The following HGD variants were observed in gnomAD, a reference collection of about 807,000 sequenced individuals.
HGD encodes the protein homogentisate 1,2-dioxygenase.
In HGD, 61 loss-of-function variants were observed where a neutral mutation model predicts 60.8. The observed-to-expected ratio is 1.00, with a 90% CI of 0.82 to 1.24. HGD has a LOEUF of 1.24. Among genes scored for constraint, HGD ranks in the 50% most tolerant of loss-of-function variants. The pLI is 0.00. For synonymous variants in HGD, 212 were observed against 187.7 expected, an observed-to-expected ratio of 1.13 and a Z score of -1.06; for missense variants, 542 against 547.1, an observed-to-expected ratio of 0.99 and a Z score of 0.09.
At chr3:120,658,524 G>C (rs1185311712) in intron 4 of HGD, among the ~76,000 whole-genome samples, 1 of 152,212 alleles carries the variant, frequency 6.6e-6, no homozygotes, top group African/African-American at 2.4e-5. Flanking sequence ...GCTCTCATGG[G>C]CTGCCATTGA....
chr3:120,630,729 A>T (rs570003208), intron 13 of HGD, among the ~76,000 whole-genome samples: 36 of 150,912 alleles, frequency 2.4e-4, no homozygotes, highest in South Asian at 8.4e-4. Context: ...AGATTTCATG[A>T]CAAAAACATC....
At chr3:120,665,228 G>C (rs1245781005) in intron 4 of HGD, among the ~76,000 whole-genome samples, 2 of 152,140 alleles carry the variant, frequency 1.3e-5, no homozygotes, top group Non-Finnish European at 2.9e-5. Flanking sequence ...GAGACAGAAG[G>C]CATTTTATGA....
chr3:120,655,572 C>A (rs1475390278), intron 4 of HGD, among the ~76,000 whole-genome samples: 1 of 152,152 alleles, frequency 6.6e-6, no homozygotes, highest in Non-Finnish European at 1.5e-5. Flanking sequence ...CAAGAGAAAG[C>A]AGAGATTTTG....
intron 1 of HGD, among the ~76,000 whole-genome samples, chr3:120,680,964 G>A (rs1229763644): frequency 6.6e-6 from 1 of 152,130 alleles, no homozygotes; most frequent in African/African-American, 2.4e-5. Context: ...ATATTAATCT[G>A]CAGTGTCATG....
intron 11 of HGD, among the ~76,000 whole-genome samples, chr3:120,641,245 C>T (rs1940968496): frequency 6.6e-6 from 1 of 151,920 alleles, no homozygotes; most frequent in African/African-American, 2.4e-5. Context: ...CATAAAGTTC[C>T]TTTCTCCTCA....
intron 4 of HGD, among the ~76,000 whole-genome samples, chr3:120,653,322 T>C (rs1464860920): frequency 2.0e-5 from 3 of 152,178 alleles, no homozygotes; most frequent in African/African-American, 7.2e-5. Context: ...AGGCCCTTCT[T>C]GAAGTGTCAG....
chr3:120,649,146 T>C (rs1474643771), intron 6 of HGD, among the ~76,000 whole-genome samples: 50 of 144,174 alleles, frequency 3.5e-4, no homozygotes, highest in Non-Finnish European at 5.2e-4. Flanking sequence ...TTTCTTTTTT[T>C]TTTTTTTTTT....
chr3:120,646,115 C>T lies in HGD; in HGVS notation c.649+152G>A, dbSNP rs996836346. 6 of 690,390 alleles carry T rather than the reference C, an allele frequency of 8.7e-6. No individual in the cohort carries two copies. The African/African-American group carries it at 8.8e-5, about 10-fold the overall frequency. 42.8% of individuals were successfully genotyped at this position (690,390 alleles called of 1,614,324 possible). On this transcript the variant is annotated intron_variant, in intron 9 of 13. Coordinates refer to ENST00000283871, the MANE Select transcript of HGD (RefSeq NM_000187.4). ...TTGCTTTCTGTTTTGCATATATTTT[C>T]TGGGAAGACACTTGGTCTAGAGAAG...
intron 4 of HGD, among the ~76,000 whole-genome samples, chr3:120,657,818 TGAGAGAGAGAGA>T (rs71133511): frequency 6.8e-6 from 1 of 146,994 alleles, no homozygotes; most frequent in East Asian, 2.0e-4. Flanking sequence ...GGAACAGGAG[TGAGAGAGAGAGA>T]GAGAGAGAAA....
intron 1 of HGD, among the ~76,000 whole-genome samples, chr3:120,678,591 GGAAA>G (rs769608654): frequency 1.3e-5 from 2 of 152,164 alleles, no homozygotes; most frequent in Admixed American, 6.5e-5. Flanking sequence ...TTAAAAAATA[GGAAA>G]GAAAGTAGAA....
At position 120,670,518 on chromosome 3, in the gene HGD, A is replaced by G; in HGVS notation, c.191T>C (p.Ile64Thr). ...GGGCTTGTGAGAAACTGAAGGTAGAATCCTATACAGCCAGCTAGAGGGAAA... is the reference window on the plus strand; with the variant it reads ...GGGCTTGTGAGAAACTGAAGGTAGAGTCCTATACAGCCAGCTAGAGGGAAA... ...STNKRSWLYR[I>T]LPSVSHKPFE... Residue 64 changes from isoleucine (I) to threonine (T), a missense_variant, in exon 4 of 14, where the codon ATT becomes ACT. Ile to Thr is a moderately conservative substitution (Grantham distance 89). Transcript: ENST00000283871. 1 of 1,595,112 alleles carries G rather than the reference A, an allele frequency of 6.3e-7. No homozygotes were observed. The highest frequency in any genetic ancestry group is 1.1e-5 in the South Asian group (1 of 90,742).
intron 6 of HGD, among the ~76,000 whole-genome samples, chr3:120,648,782 G>A (rs1482687623): frequency 6.6e-6 from 1 of 152,152 alleles, no homozygotes; most frequent in African/African-American, 2.4e-5. Context: ...CTGAGGGCTG[G>A]GTCATGGGTC....
chr3:120,652,390 G>A (rs551303830), intron 5 of HGD, among the ~76,000 whole-genome samples: 1 of 152,256 alleles, frequency 6.6e-6, no homozygotes, highest in South Asian at 2.1e-4. Context: ...AATAGTTCAT[G>A]AATACCCTCT....
intron 4 of HGD, among the ~76,000 whole-genome samples, chr3:120,661,557 G>GAGAAATGTAAAT (rs1362014020): frequency 6.6e-6 from 1 of 152,228 alleles, no homozygotes; most frequent in Non-Finnish European, 1.5e-5. Flanking sequence ...AACTTTGGAA[G>GAGAAATGTAAAT]AGAAATGTAA....
At chr3:120,657,097 A>G (rs1941522496) in intron 4 of HGD, among the ~76,000 whole-genome samples, 1 of 152,166 alleles carries the variant, frequency 6.6e-6, no homozygotes, top group Admixed American at 6.5e-5. Flanking sequence ...CTCCAACTAA[A>G]ATTGTGGATT....
At position 120,646,340 on chromosome 3, in the gene HGD, G is replaced by A; in HGVS notation, c.576C>T (p.Val192=). The change falls in exon 9 of 14, where the codon GTC becomes GTT. Residue 192 remains valine (V), a synonymous_variant. Coordinates refer to ENST00000283871, the MANE Select transcript of HGD (RefSeq NM_000187.4). ...IQRGMRFSID[V]FEETRGYILE... ...AGATGTAGCCCCTGGTCTCCTCAAA[G>A]ACATCTATGCTGAACCGCATTCCTC... 1 of 1,613,096 alleles carries A rather than the reference G, an allele frequency of 6.2e-7. No individual in the cohort carries two copies. Among genetic ancestry groups the A allele is most frequent in the Non-Finnish European group, 8.5e-7 (1 of 1,179,132 alleles).
intron 3 of HGD, among the ~76,000 whole-genome samples, 163 bp from the exon 4 acceptor site, chr3:120,670,695 G>T (rs1323796794): frequency 6.6e-6 from 1 of 152,090 alleles, no homozygotes; most frequent in Non-Finnish European, 1.5e-5. Context: ...ACTTTTCATG[G>T]CCATCTGCTG....
At chr3:120,654,087 C>G (rs536402832) in intron 4 of HGD, among the ~76,000 whole-genome samples, 52 of 152,306 alleles carry the variant, frequency 3.4e-4, no homozygotes, top group Admixed American at 7.8e-4. Flanking sequence ...AAGTTCTGGT[C>G]TACCACTAAA....
chr3:120,671,316 G>C (rs569549518), intron 3 of HGD, among the ~76,000 whole-genome samples: 1 of 152,192 alleles, frequency 6.6e-6, no homozygotes, highest in South Asian at 2.1e-4. Context: ...GTGAAAAATA[G>C]TATCTCATTT....
Sources: gnomAD v4.1 joint callset for allele counts (sites outside exome capture counted in the v4.1 genomes callset) on GRCh38, gnomAD v4.1.1 for gene constraint, MANE v1.5 for transcripts, NCBI Gene and HGNC (gene_info 2026-07-23, HGNC 2026-07-21) for gene names.